Variants in THADA observed in about 807,000 individuals in gnomAD.
THADA encodes THADA armadillo repeat containing.
A neutral mutation model predicts 219.8 loss-of-function variants in THADA; 213 were observed. The ratio of observed to expected loss-of-function variants is 0.97; its 90% confidence interval spans 0.87 to 1.09. The LOEUF is 1.09. THADA is among the 50% of genes least tolerant of loss of function. The pLI, the probability that THADA is intolerant of heterozygous loss-of-function variation, is 0.00. For synonymous variants in THADA, 1,018 were observed against 828.9 expected, an observed-to-expected ratio of 1.23 and a Z score of -3.92; for missense variants, 2,956 against 2,311.3, an observed-to-expected ratio of 1.28 and a Z score of -5.72.
At chr2:43,260,010 G>A (rs1024405736) in intron 36 of THADA, among the ~76,000 whole-genome samples, 4 of 152,120 alleles carry the variant, frequency 2.6e-5, no homozygotes, top group East Asian at 1.9e-4. Flanking sequence ...TTGAGATGGA[G>A]TCTCGCTCTG....
At chr2:43,365,836 C>A (rs1312570386) in intron 29 of THADA, among the ~76,000 whole-genome samples, 2 of 151,970 alleles carry the variant, frequency 1.3e-5, no homozygotes, top group Admixed American at 1.3e-4. Flanking sequence ...GTGGATAGGC[C>A]AGGGGGTAAA....
At chr2:43,528,575 G>A (rs772015518) in intron 21 of THADA, among the ~76,000 whole-genome samples, 3 of 152,160 alleles carry the variant, frequency 2.0e-5, no homozygotes, top group Non-Finnish European at 4.4e-5. Flanking sequence ...CAGCAAGAAA[G>A]CAATGGAACC....
intron 15 of THADA, chr2:43,563,753 C>T (rs897873122): frequency 6.6e-6 from 1 of 152,024 alleles, no homozygotes; most frequent in African/African-American, 2.4e-5. Context: ...AGGCAGAAAC[C>T]ATTTGACTAA....
chr2:43,335,793 A>G (rs1396918183), intron 30 of THADA, among the ~76,000 whole-genome samples: 1 of 119,860 alleles, frequency 8.3e-6, no homozygotes, highest in Non-Finnish European at 1.7e-5. Flanking sequence ...CCCTGTCTCT[A>G]CTTTAAAAAA....
At chr2:43,285,140 G>A (rs1673835517) in intron 35 of THADA, among the ~76,000 whole-genome samples, 1 of 152,182 alleles carries the variant, frequency 6.6e-6, no homozygotes, top group Admixed American at 6.5e-5. Flanking sequence ...AGCTGATGCT[G>A]AAATGAGCTG....
intron 21 of THADA, among the ~76,000 whole-genome samples, chr2:43,530,216 C>T (rs1693692782): frequency 6.6e-6 from 1 of 152,062 alleles, no homozygotes; most frequent in Admixed American, 6.5e-5. Context: ...AGTTAGTTTT[C>T]CTGTAAAGAT....
At position 43,560,233 on chromosome 2, in the gene THADA, C is replaced by A. The variant is rs1395485913; in HGVS notation, c.2463+1G>T. On this transcript the variant is annotated splice_donor_variant, in intron 16 of 37. Coordinates refer to ENST00000405975, the MANE Select transcript of THADA (RefSeq NM_022065.5). LOFTEE classifies it high-confidence loss of function. ...CATTTATACTAGAAAAGTCCTGATA[C>A]CTGAAAATGTACAGCTGTTTTTGAT... 2 of 1,609,286 alleles carry A rather than the reference C, an allele frequency of 1.2e-6. No individual in the cohort carries two copies. Among genetic ancestry groups the A allele is most frequent in the East Asian group, 4.5e-5 (2 of 44,734 alleles).
chr2:43,475,838 A>G (rs1685468461), intron 26 of THADA, among the ~76,000 whole-genome samples: 2 of 152,248 alleles, frequency 1.3e-5, no homozygotes, highest in Admixed American at 1.3e-4. Context: ...AAAATACATA[A>G]AAGAAAAACA....
Position 43,287,203 on chromosome 2 carries a change from G to A in THADA, c.5011-142C>T, listed in dbSNP as rs181450629. On this transcript the variant is annotated intron_variant, in intron 34 of 37. Transcript: ENST00000405975. ...GAAAGTTGTTTTTTAGTTGCTTTTC[G>A]ATTCCAACTAGAGAGAAATATGCCC... 14 of 677,350 alleles carry A rather than the reference G, an allele frequency of 2.1e-5. No individual in the cohort carries two copies. The East Asian group carries it at 3.3e-4, about 16-fold the overall frequency. 42.0% of individuals were successfully genotyped at this position (677,350 alleles called of 1,614,324 possible).
intron 19 of THADA, among the ~76,000 whole-genome samples, chr2:43,551,497 A>G (rs1696732536): frequency 6.6e-6 from 1 of 151,734 alleles, no homozygotes; most frequent in African/African-American, 2.4e-5. Flanking sequence ...TGTATTTCCA[A>G]TTTTCAGATT....
intron 21 of THADA, among the ~76,000 whole-genome samples, chr2:43,533,596 T>C (rs1036722329): frequency 8.5e-5 from 13 of 152,214 alleles, no homozygotes; most frequent in Admixed American, 2.0e-4. Context: ...TGCAGGGACT[T>C]GGATGAAGCT....
At chr2:43,373,745 T>A (rs946999494) in intron 29 of THADA, among the ~76,000 whole-genome samples, 4 of 152,174 alleles carry the variant, frequency 2.6e-5, no homozygotes, top group African/African-American at 9.7e-5. Context: ...CCCAAAGTGC[T>A]AGGATTACAG....
intron 16 of THADA, among the ~76,000 whole-genome samples, chr2:43,559,009 G>T (rs1424134739): frequency 6.6e-6 from 1 of 152,124 alleles, no homozygotes; most frequent in Non-Finnish European, 1.5e-5. Flanking sequence ...TGATGTAAGG[G>T]CCAGGTCTTT....
intron 22 of THADA, among the ~76,000 whole-genome samples, chr2:43,517,138 C>T (rs1691824137): frequency 6.6e-6 from 1 of 152,098 alleles, no homozygotes; most frequent in African/African-American, 2.4e-5. Flanking sequence ...AGAAAAGCCA[C>T]TCAGTAGATA....
At chr2:43,381,678 T>A (rs192201537) in intron 29 of THADA, among the ~76,000 whole-genome samples, 19 of 152,106 alleles carry the variant, frequency 1.2e-4, no homozygotes, top group Admixed American at 1.2e-3. Flanking sequence ...CCTCCTGGAT[T>A]CAAGCGATTC....
At chr2:43,537,992 C>T (rs577255217) in intron 21 of THADA, among the ~76,000 whole-genome samples, 8 of 151,288 alleles carry the variant, frequency 5.3e-5, no homozygotes, top group Admixed American at 2.0e-4. Context: ...ATAGCAATTT[C>T]TAATAGTTGG....
intron 10 of THADA, among the ~76,000 whole-genome samples, chr2:43,575,938 T>C (rs1192437369): frequency 6.6e-6 from 1 of 152,206 alleles, no homozygotes; most frequent in Non-Finnish European, 1.5e-5. Flanking sequence ...TGAATTAACT[T>C]TTAAGATGTT....
intron 26 of THADA, among the ~76,000 whole-genome samples, chr2:43,436,393 C>T (rs1036241537): frequency 2.0e-5 from 3 of 152,122 alleles, no homozygotes; most frequent in African/African-American, 7.2e-5. Flanking sequence ...TCTGCTCTTC[C>T]CCCAAACTGT....
intron 26 of THADA, among the ~76,000 whole-genome samples, chr2:43,457,145 C>T (rs1055844531): frequency 9.1e-6 from 1 of 109,978 alleles, no homozygotes; most frequent in Non-Finnish European, 1.9e-5. Flanking sequence ...CACACACACA[C>T]ACACACACAC....
Sources: gnomAD v4.1 joint callset for allele counts (sites outside exome capture counted in the v4.1 genomes callset) on GRCh38, gnomAD v4.1.1 for gene constraint, MANE v1.5 for transcripts, NCBI Gene and HGNC (gene_info 2026-07-23, HGNC 2026-07-21) for gene names.